The following CPVL variants were observed in gnomAD, a reference collection of about 807,000 sequenced individuals.
CPVL encodes probable serine carboxypeptidase CPVL.
Under a neutral mutation model 63.7 loss-of-function variants are expected in CPVL, and 51 were observed. The ratio of observed to expected loss-of-function variants is 0.80; its 90% CI spans 0.64 to 1.01. The LOEUF (loss-of-function observed/expected upper bound fraction) is 1.01. CPVL is among the 50% of genes least tolerant of loss of function. CPVL has a pLI of 0.00. For missense variants in CPVL, 530 were observed against 573.1 expected (o/e 0.92, Z 0.77); for synonymous variants, 195 against 206.0 (o/e 0.95, Z 0.46).
intron 12 of CPVL, among the ~76,000 whole-genome samples, chr7:29,019,480 G>A (rs1342613622): frequency 2.6e-5 from 4 of 152,120 alleles, no homozygotes; most frequent in African/African-American, 9.7e-5. Context: ...TCCCTCTCTC[G>A]GTACCGTACT....
In CPVL at chr7:29,187,345, C is replaced by CTGTG. The variant is rs35253523; in HGVS notation, c.-447-802_-447-799dup. On this transcript the variant is annotated intron_variant, in intron 1 of 16. Transcript: ENST00000409850. ...TCTAGTGGTGTGTGTGTTTGTGTGT[C>CTGTG]TGTGTGTGTGTGTGTGTGTGACAAA... is the stretch of plus-strand genomic sequence containing the variant. Among the ~76,000 whole-genome samples the CTGTG allele has an allele frequency of 4.2e-3, 620 of 149,240 alleles. 3 individuals are homozygous for CTGTG. Among genetic ancestry groups the CTGTG allele is most frequent in the African/African-American group, 0.014 (566 of 40,730 alleles).
In CPVL at chr7:29,080,488, T is replaced by C. The variant is rs537871769; in HGVS notation, c.609+5996A>G. Among the ~76,000 whole-genome samples, 10 of 148,914 alleles carry C rather than the reference T, an allele frequency of 6.7e-5. No individual in the cohort carries two copies. In the South Asian group the frequency reaches 1.3e-3, roughly 19 times the overall value. The stretch of plus-strand genomic sequence containing the variant: ...CAGGAGAATCACCTGAACCCGGGAA[T>C]TGGAGGGTGCAGTGAGCTGAGATGG... On this transcript the variant is annotated intron_variant, in intron 7 of 12. Transcript: ENST00000265394.
chr7:29,140,564 G>A (rs773089757), intron 1 of CPVL, among the ~76,000 whole-genome samples: 12 of 152,168 alleles, frequency 7.9e-5, no homozygotes, highest in South Asian at 2.1e-4. Context: ...ACTGCACTTA[G>A]TAAAGTCCTC....
intron 5 of CPVL, among the ~76,000 whole-genome samples, chr7:29,151,752 T>G (rs1793625457): frequency 6.6e-6 from 1 of 152,166 alleles, no homozygotes; most frequent in Admixed American, 6.5e-5. Context: ...GTGTGACCTT[T>G]GCTGTGTTAA....
intron 1 of CPVL, among the ~76,000 whole-genome samples, chr7:29,135,577 C>A (rs953977461): frequency 7.2e-5 from 11 of 152,098 alleles, no homozygotes; most frequent in Non-Finnish European, 1.0e-4. Context: ...CGTGATCCAC[C>A]CACCTCAGCC....
rs143318592 is a variant in CPVL at position 29,182,254 on chromosome 7, G to A, written c.-133-842C>T. Among the ~76,000 whole-genome samples the A allele has an allele frequency of 1.6e-3, 250 of 152,280 alleles. 1 individual carries two copies. The highest frequency in any genetic ancestry group is 4.4e-3 in the African/African-American group (183 of 41,572). ...ATGATAGAGTTTGAAAAATAGGAGCGCAGAGGAAGGTTAGCAGTGGTGGAA... is the reference window on the plus strand; with the variant it reads ...ATGATAGAGTTTGAAAAATAGGAGCACAGAGGAAGGTTAGCAGTGGTGGAA... On this transcript the variant is annotated intron_variant, in intron 4 of 16. Coordinates refer to the CPVL transcript ENST00000409850.
intron 6 of CPVL, among the ~76,000 whole-genome samples, chr7:29,090,735 T>C (rs1785688550): frequency 6.6e-6 from 1 of 152,238 alleles, no homozygotes; most frequent in South Asian, 2.1e-4. Flanking sequence ...CTAAATAGCA[T>C]ATTCCAAATA....
chr7:29,092,628 T>C lies in CPVL; in HGVS notation c.537A>G (p.Leu179=), dbSNP rs772303777. The C allele has an allele frequency of 6.2e-7, 1 of 1,612,116 alleles. No homozygotes were observed. Among genetic ancestry groups the C allele is most frequent in the South Asian group, 1.1e-5 (1 of 91,036 alleles). ...AGAAAGCAGGAGCATTTTACCTGTATAAATCCCGTGCTACATCGTCCTCAT... is the reference window on the plus strand; with the variant it reads ...AGAAAGCAGGAGCATTTTACCTGTACAAATCCCGTGCTACATCGTCCTCAT... ...AVNEDDVARD[L]YSALIQFFQI... Residue 179 remains leucine (L), a synonymous_variant, in exon 6 of 13, where the codon TTA becomes TTG. Coordinates refer to ENST00000265394, the MANE Select transcript of CPVL (RefSeq NM_031311.5).
chr7:29,108,435 T>C (rs1787936655), intron 3 of CPVL, among the ~76,000 whole-genome samples: 1 of 152,148 alleles, frequency 6.6e-6, no homozygotes, highest in Admixed American at 6.5e-5. Flanking sequence ...TGCAAAAAAA[T>C]CCCAATTTCA....
intron 3 of CPVL, among the ~76,000 whole-genome samples, chr7:29,110,780 G>A (rs1352927264): frequency 6.6e-6 from 1 of 152,222 alleles, no homozygotes; most frequent in Admixed American, 6.5e-5. Flanking sequence ...TTAAAATAGG[G>A]AGATTATCCT....
At chr7:29,081,477 C>A (rs62442654) in intron 7 of CPVL, 2 of 152,212 alleles carry the variant, frequency 1.3e-5, no homozygotes, top group African/African-American at 2.4e-5. Context: ...ATCGTCCACA[C>A]GGTGAGGCAG....
intron 1 of CPVL, among the ~76,000 whole-genome samples, chr7:29,138,560 G>C (rs907945519): frequency 1.3e-5 from 2 of 152,092 alleles, no homozygotes; most frequent in Non-Finnish European, 2.9e-5. Context: ...TAGATGGCTG[G>C]GTGGGTGGAC....
chr7:29,114,036 G>T (rs1037849360), intron 2 of CPVL, among the ~76,000 whole-genome samples: 1 of 152,104 alleles, frequency 6.6e-6, no homozygotes, highest in African/African-American at 2.4e-5. Flanking sequence ...TGCCTTTGAC[G>T]GTAGGTGGAG....
At chr7:29,167,301 T>C (rs143218040) in intron 5 of CPVL, among the ~76,000 whole-genome samples, 3 of 152,328 alleles carry the variant, frequency 2.0e-5, no homozygotes, top group African/African-American at 7.2e-5. Context: ...ATTCAATATG[T>C]TTCTGAAATT....
rs375491366 is a variant in CPVL at position 29,142,581 on chromosome 7, T to C, written c.-11+3848A>G. 2.7e-4 allele frequency among the ~76,000 whole-genome samples: 40 copies of C among 147,224 alleles called. No individual in the cohort carries two copies. The East Asian group carries it at 7.8e-3, about 29-fold the overall frequency. On this transcript the variant is annotated intron_variant, in intron 1 of 12. Transcript: ENST00000265394. ...TTGCTCTGTTGCCCAGGCTGGAGTG[T>C]AGTGGTGCAATCTCGGTTCACTGGA...
chr7:29,146,448 T>C lies in CPVL; in HGVS notation c.-30A>G. On this transcript the variant is annotated 5_prime_UTR_variant, in exon 1 of 13. Coordinates refer to ENST00000265394, the MANE Select transcript of CPVL (RefSeq NM_031311.5). ...ACTTACGCGGCGCAGTCGGTGCTCCTCCCTGAGCCGCGGCGCGCAAGGACC... is the reference window on the plus strand; with the variant it reads ...ACTTACGCGGCGCAGTCGGTGCTCCCCCCTGAGCCGCGGCGCGCAAGGACC... 7.5e-7 allele frequency: 1 copy of C among 1,340,292 alleles called. No individual in the cohort carries two copies. Among genetic ancestry groups the C allele is most frequent in the Non-Finnish European group, 9.9e-7 (1 of 1,007,774 alleles). 83.0% of individuals were successfully genotyped at this position (1,340,292 alleles called of 1,614,324 possible). A position where few individuals can be genotyped will look rare whatever the true frequency, so the allele number is the denominator to read the frequency against.
At chr7:29,143,365 G>T (rs1449718076) in intron 1 of CPVL, among the ~76,000 whole-genome samples, 2 of 151,966 alleles carry the variant, frequency 1.3e-5, no homozygotes, top group Non-Finnish European at 2.9e-5. Context: ...TCAATACCCT[G>T]GCTTCTAATC....
At chr7:29,168,303 C>T (rs1796169790) in intron 5 of CPVL, among the ~76,000 whole-genome samples, 1 of 152,066 alleles carries the variant, frequency 6.6e-6, no homozygotes, top group African/African-American at 2.4e-5. Context: ...ATTTTGGATT[C>T]TCATCTTGTG....
chr7:29,092,547 C>T, intron 6 of CPVL, 76 bp downstream of exon 6: 1 of 1,020,012 alleles, frequency 9.8e-7, no homozygotes. Flanking sequence ...AAAATTCCAA[C>T]ACTAGAATAA....
Sources: gnomAD v4.1 joint callset for allele counts (sites outside exome capture counted in the v4.1 genomes callset) on GRCh38, gnomAD v4.1.1 for gene constraint, MANE v1.5 for transcripts, NCBI Gene and HGNC (gene_info 2026-07-23, HGNC 2026-07-21) for gene names.